SMIM27: variants seen among roughly 807,000 people sequenced by gnomAD.
SMIM27 encodes the protein transition zone microprotein 1.
A neutral mutation model predicts 1.8 loss-of-function variants in SMIM27; 3 were observed. The ratio of observed to expected loss-of-function variants is 1.65; its 90% CI spans 0.75 to 4.28. The LOEUF is 4.28. Ranked by LOEUF, SMIM27 falls within the 30% of genes most tolerant of loss-of-function variation. The probability of loss-of-function intolerance (pLI) is 0.02; values close to 1 mark genes in which losing one functional copy is unlikely to be tolerated. For missense variants in SMIM27, 63 were observed against 37.0 expected (o/e 1.70, Z -1.83); for synonymous variants, 19 against 13.9 (o/e 1.37, Z -0.82).
At chr9:32,564,489 T>C (rs1821720691) in intron 1 of SMIM27, among the ~76,000 whole-genome samples, 1 of 143,108 alleles carries the variant, frequency 7.0e-6, no homozygotes, top group South Asian at 2.3e-4. Context: ...ACACAACAAA[T>C]GTAAAAATTC....
downstream of SMIM27, chr9:32,553,186 A>C (rs1821349503): frequency 3.1e-6 from 1 of 320,434 alleles, no homozygotes; most frequent in South Asian, 5.7e-5. Flanking sequence ...TTCTTCAAAA[A>C]TGATTCGGAA....
chr9:32,551,716 C>A, upstream of SMIM27: 1 of 398,232 alleles, frequency 2.5e-6, no homozygotes, highest in South Asian at 1.7e-5. Context: ...ACCAAACTGC[C>A]GTGCTCGGGG....
intron 1 of SMIM27, chr9:32,566,184 C>A (rs1563996271): frequency 2.7e-6 from 2 of 741,674 alleles, no homozygotes; most frequent in Non-Finnish European, 4.9e-6. Flanking sequence ...TCCTCTTCAA[C>A]CTTGTCTGGG....
intron 1 of SMIM27, among the ~76,000 whole-genome samples, chr9:32,565,201 G>T (rs1042303644): frequency 6.6e-6 from 1 of 151,916 alleles, no homozygotes; most frequent in Non-Finnish European, 1.5e-5. Context: ...GCTGAGGCAG[G>T]AGAATCACTT....
rs189362662 is a variant in SMIM27, at chr9:32,552,497, C to T, written c.45+18C>T. On this transcript the variant is annotated intron_variant, in intron 1 of 1. Coordinates refer to ENST00000692500, the MANE Select transcript of SMIM27 (RefSeq NM_001387564.1). ...ATTCAGTGGTAAGTCCCGGGGATCG[C>T]GGGCCCCCACCGTGTCGACTCACTG... 1,844 of 1,575,322 alleles carry T rather than the reference C, an allele frequency of 1.2e-3. 5 individuals are homozygous for T. Among genetic ancestry groups the T allele is most frequent in the Admixed American group, 2.0e-3 (106 of 54,338 alleles).
chr9:32,551,813 G>A, upstream of SMIM27: 1 of 449,508 alleles, frequency 2.2e-6, no homozygotes, highest in Non-Finnish European at 4.5e-6. Context: ...GGCGGGTAAC[G>A]CGTCCCACGT....
At chr9:32,552,150 A>C (rs1821286585), upstream of SMIM27, 1 of 574,982 alleles carries the variant, frequency 1.7e-6, no homozygotes. Context: ...AAACCAGTGG[A>C]GGTACGCCTA....
downstream of SMIM27, chr9:32,553,739 T>C (rs1045045878): frequency 9.8e-5 from 63 of 640,782 alleles, no homozygotes; most frequent in Admixed American, 4.7e-4. Context: ...CAGTCTCAAA[T>C]TGTACAATGC....
At chr9:32,553,140 C>G (rs1202427145), downstream of SMIM27, 1 of 430,716 alleles carries the variant, frequency 2.3e-6, no homozygotes, top group Non-Finnish European at 4.1e-6. Context: ...AGTGTCAGAT[C>G]ATAGTTGGAA....
downstream of SMIM27, among the ~76,000 whole-genome samples, chr9:32,556,677 T>C (rs1337739232): frequency 1.3e-5 from 2 of 152,150 alleles, no homozygotes; most frequent in Non-Finnish European, 2.9e-5. Context: ...CCTTTTCCTT[T>C]GAACAGTAAA....
At chr9:32,554,458 G>C (rs1321857399), downstream of SMIM27, among the ~76,000 whole-genome samples, 1 of 152,216 alleles carries the variant, frequency 6.6e-6, no homozygotes, top group Non-Finnish European at 1.5e-5. Flanking sequence ...ATTGAAGCCA[G>C]AACCAAGTGG....
chr9:32,564,942 T>G (rs1821737399), intron 1 of SMIM27, among the ~76,000 whole-genome samples: 4 of 152,184 alleles, frequency 2.6e-5, no homozygotes, highest in African/African-American at 9.7e-5. Flanking sequence ...TGGTTCGACA[T>G]AATAGCTATG....
At chr9:32,562,845 C>T (rs905093898) in intron 1 of SMIM27, among the ~76,000 whole-genome samples, 6 of 152,130 alleles carry the variant, frequency 3.9e-5, no homozygotes, top group Non-Finnish European at 7.4e-5. Context: ...ATTGACTGTG[C>T]AGGCTCTTTA....
downstream of SMIM27, among the ~76,000 whole-genome samples, chr9:32,557,216 G>A (rs1802459758): frequency 6.8e-6 from 1 of 147,474 alleles, no homozygotes; most frequent in Non-Finnish European, 1.5e-5. Context: ...CCAGGCTGGA[G>A]TGCAGTGGCG....
At chr9:32,553,018 T>C (rs1421775819), downstream of SMIM27, 5 of 591,572 alleles carry the variant, frequency 8.5e-6, no homozygotes, top group African/African-American at 9.3e-5. Context: ...CCCAAGTTTA[T>C]TTTTGCATTA....
chr9:32,555,128 T>C (rs147058026), downstream of SMIM27, among the ~76,000 whole-genome samples: 728 of 152,216 alleles, frequency 4.8e-3, 5 homozygotes, highest in African/African-American at 0.017. Context: ...ATCTAAAAAT[T>C]TGGGCCAGTC....
At chr9:32,563,774 G>A (rs987524523) in intron 1 of SMIM27, among the ~76,000 whole-genome samples, 2 of 152,036 alleles carry the variant, frequency 1.3e-5, no homozygotes, top group East Asian at 3.9e-4. Flanking sequence ...ATTTATATCA[G>A]TTTGCACTCA....
downstream of SMIM27, among the ~76,000 whole-genome samples, chr9:32,557,699 G>A (rs915911051): frequency 6.6e-5 from 10 of 151,864 alleles, no homozygotes; most frequent in African/African-American, 2.4e-4. Flanking sequence ...GGCTGGTCTC[G>A]AAGTTCTGAC....
chr9:32,552,492 G>C lies in SMIM27; in HGVS notation c.45+13G>C. 1 of 1,580,062 alleles carries C rather than the reference G, an allele frequency of 6.3e-7. No homozygotes were observed. The highest frequency in any genetic ancestry group is 1.1e-5 in the South Asian group (1 of 87,326). On this transcript the variant is annotated intron_variant, in intron 1 of 1. Transcript: ENST00000692500. The stretch of plus-strand genomic sequence containing the variant: ...GATTTATTCAGTGGTAAGTCCCGGG[G>C]ATCGCGGGCCCCCACCGTGTCGACT...
Sources: allele counts gnomAD v4.1 joint callset (sites outside exome capture counted in the v4.1 genomes callset), GRCh38; gene constraint gnomAD v4.1.1; transcripts MANE v1.5; gene names NCBI Gene and HGNC (gene_info 2026-07-23, HGNC 2026-07-21).